Variants in BTRC observed in about 807,000 individuals in gnomAD.
BTRC encodes F-box/WD repeat-containing protein 1A.
Under a neutral mutation model 85.5 loss-of-function variants are expected in BTRC, and 42 were observed. That is an observed-to-expected ratio of 0.49 (90% confidence interval 0.38 to 0.64). The LOEUF (loss-of-function observed/expected upper bound fraction) is 0.64. Among genes scored for constraint, BTRC ranks in the 30% least tolerant of loss-of-function variants. BTRC has a pLI of 0.00. For missense variants in BTRC, 594 were observed against 743.5 expected (o/e 0.80, Z 2.34); for synonymous variants, 255 against 263.3 (o/e 0.97, Z 0.30).
In BTRC at chr10:101,522,362, A is replaced by C. The variant is rs1212419973; in HGVS notation, c.556+492A>C. On this transcript the variant is annotated intron_variant, in intron 5 of 14. Transcript: ENST00000370187. ...GCTGGTATAAAGCTTTAAAAAAAAAAAAAACAAAAAAAAACAAAAAAAAAA... is the reference window on the plus strand; with the variant it reads ...GCTGGTATAAAGCTTTAAAAAAAAACAAAACAAAAAAAAACAAAAAAAAAA... Among the ~76,000 whole-genome samples, 67 of 66,546 alleles carry C rather than the reference A, an allele frequency of 1.0e-3. 1 individual carries two copies. Among genetic ancestry groups the C allele is most frequent in the African/African-American group, 3.5e-3 (60 of 17,358 alleles). The allele number at this position is 66,546 out of a possible 152,430, so 43.7% of individuals were successfully genotyped here.
rs1225447447 is a variant in BTRC, at chr10:101,554,008, TTC to T, written c.*893_*894del. Reference sequence around the variant, plus strand: ...GATACTCTCATCATATTTGCAACTCTTCTCTCTCTTTCTTCCCCACACCCAAG... The same window carrying T: ...GATACTCTCATCATATTTGCAACTCTTCTCTCTTTCTTCCCCACACCCAAG... On this transcript the variant is annotated 3_prime_UTR_variant, in exon 15 of 15. Coordinates refer to ENST00000370187, the MANE Select transcript of BTRC (RefSeq NM_033637.4). The T allele has an allele frequency of 1.3e-5, 2 of 152,206 alleles. No individual in the cohort carries two copies. Among genetic ancestry groups the T allele is most frequent in the Non-Finnish European group, 2.9e-5 (2 of 68,036 alleles). The allele number at this position is 152,206 out of a possible 1,614,324, so 9.4% of individuals were successfully genotyped here.
At chr10:101,461,765 CT>C (rs1945231778) in intron 2 of BTRC, among the ~76,000 whole-genome samples, 1 of 152,182 alleles carries the variant, frequency 6.6e-6, no homozygotes, top group Non-Finnish European at 1.5e-5. Flanking sequence ...ACATGAAATA[CT>C]TCCCATCTAA....
At chr10:101,549,820 A>G (rs1300702131) in intron 13 of BTRC, among the ~76,000 whole-genome samples, 1 of 151,498 alleles carries the variant, frequency 6.6e-6, no homozygotes, top group East Asian at 1.9e-4. Context: ...GGAACATTCT[A>G]CATCTTCATC....
chr10:101,477,228 T>G (rs1945713828), intron 3 of BTRC, among the ~76,000 whole-genome samples: 3 of 152,068 alleles, frequency 2.0e-5, no homozygotes, highest in Admixed American at 1.3e-4. Flanking sequence ...CTCAAACTTC[T>G]GATCTCAAGT....
intron 2 of BTRC, among the ~76,000 whole-genome samples, chr10:101,452,694 C>T (rs145560962): frequency 4.7e-4 from 72 of 152,220 alleles, no homozygotes; most frequent in African/African-American, 1.7e-3. Flanking sequence ...GTTGTTAGCA[C>T]TGTGCTTGGA....
At chr10:101,497,695 G>A (rs1396872432) in intron 4 of BTRC, among the ~76,000 whole-genome samples, 4 of 151,234 alleles carry the variant, frequency 2.6e-5, no homozygotes, top group Non-Finnish European at 5.9e-5. Context: ...GATAGAGTGA[G>A]ACCCTGTCTA....
intron 3 of BTRC, among the ~76,000 whole-genome samples, chr10:101,473,718 G>A (rs927833034): frequency 6.6e-6 from 1 of 151,600 alleles, no homozygotes; most frequent in African/African-American, 2.4e-5. Context: ...TGATCTGCCC[G>A]CCTCGGCCTC....
chr10:101,370,662 T>G (rs1000604465), intron 1 of BTRC, among the ~76,000 whole-genome samples: 1 of 129,216 alleles, frequency 7.7e-6, no homozygotes, highest in Admixed American at 8.4e-5. Flanking sequence ...CTTGACCTCC[T>G]GGGCTCAAGC....
intron 12 of BTRC, among the ~76,000 whole-genome samples, chr10:101,537,597 A>AT (rs2134433254): frequency 6.6e-6 from 1 of 152,346 alleles, no homozygotes; most frequent in South Asian, 2.1e-4. Context: ...AATCTGCCTG[A>AT]TTTTGGCAGC....
At chr10:101,496,117 T>C (rs1946253905) in intron 4 of BTRC, among the ~76,000 whole-genome samples, 1 of 152,188 alleles carries the variant, frequency 6.6e-6, no homozygotes, top group Non-Finnish European at 1.5e-5. Context: ...TCATTATACA[T>C]ATATGCCATA....
chr10:101,389,311 C>T (rs985368895), intron 1 of BTRC, among the ~76,000 whole-genome samples: 5 of 151,868 alleles, frequency 3.3e-5, no homozygotes, highest in African/African-American at 1.2e-4. Context: ...GTCTACCCCT[C>T]TCTGCCTACA....
chr10:101,381,326 C>T (rs1942923410), intron 1 of BTRC, among the ~76,000 whole-genome samples: 1 of 152,164 alleles, frequency 6.6e-6, no homozygotes, highest in Non-Finnish European at 1.5e-5. Context: ...TTGTGAATGG[C>T]ACAGCTGGTA....
rs1309003365 is a variant in BTRC, at chr10:101,553,350, G to A, written c.*227G>A. ...ACTGACTGCTTCAGTGCTGCTATCA[G>A]AAGATGTCTTCTATCTTTTGTGAAT... On this transcript the variant is annotated 3_prime_UTR_variant, in exon 15 of 15. Transcript: ENST00000370187. 9.8e-5 allele frequency: 15 copies of A among 152,618 alleles called. No homozygotes were observed. Among genetic ancestry groups the A allele is most frequent in the Admixed American group, 9.8e-4 (15 of 15,272 alleles). 9.5% of individuals were successfully genotyped at this position (152,618 alleles called of 1,614,324 possible). A position where few individuals can be genotyped will look rare whatever the true frequency, so the allele number is the denominator to read the frequency against.
chr10:101,415,522 TTATG>T (rs56338831), intron 1 of BTRC, among the ~76,000 whole-genome samples: 2 of 8,988 alleles, frequency 2.2e-4, no homozygotes, highest in African/African-American at 2.9e-4. Flanking sequence ...TTATGTTATG[TTATG>T]TTATGTTATG....
chr10:101,517,955 C>G (rs1429414781), intron 4 of BTRC, among the ~76,000 whole-genome samples: 1 of 146,760 alleles, frequency 6.8e-6, no homozygotes, highest in Non-Finnish European at 1.5e-5. Context: ...CTCTGTCGCC[C>G]AGGCTGGAGT....
At chr10:101,536,508 C>T (rs532093862) in intron 11 of BTRC, 35 bp from the exon 12 acceptor site, 27 of 1,481,360 alleles carry the variant, frequency 1.8e-5, no homozygotes, top group Middle Eastern at 1.7e-4. Context: ...GAAAAGAATA[C>T]GTGAAAATTC....
At chr10:101,539,292 G>A (rs1276201066) in intron 13 of BTRC, among the ~76,000 whole-genome samples, 1 of 152,164 alleles carries the variant, frequency 6.6e-6, no homozygotes, top group Non-Finnish European at 1.5e-5. Context: ...AAAATTAGTT[G>A]GAGCAACAGG....
chr10:101,466,780 C>T (rs1327575308), intron 3 of BTRC, among the ~76,000 whole-genome samples: 1 of 152,168 alleles, frequency 6.6e-6, no homozygotes, highest in Non-Finnish European at 1.5e-5. Context: ...ATGACTGGGC[C>T]TTATAAAAGG....
At chr10:101,486,494 T>C (rs969236808) in intron 4 of BTRC, among the ~76,000 whole-genome samples, 2 of 151,586 alleles carry the variant, frequency 1.3e-5, no homozygotes, top group Non-Finnish European at 1.5e-5. Context: ...GGGCATACTC[T>C]TGCCGTCACA....
Sources: gnomAD v4.1 joint callset for allele counts (sites outside exome capture counted in the v4.1 genomes callset) on GRCh38, gnomAD v4.1.1 for gene constraint, MANE v1.5 for transcripts, NCBI Gene and HGNC (gene_info 2026-07-23, HGNC 2026-07-21) for gene names.